OXTR: variants seen among roughly 807,000 people sequenced by gnomAD.
OXTR encodes oxytocin receptor.
Under a neutral mutation model 23.9 loss-of-function variants are expected in OXTR, and 19 were observed. That is an observed-to-expected ratio of 0.80 (90% CI 0.56 to 1.17). The LOEUF is 1.17. Ranked by LOEUF, OXTR falls within the 50% of genes most tolerant of loss-of-function variation. The pLI is 0.00. For synonymous variants in OXTR, 278 were observed against 250.5 expected (o/e 1.11, Z -1.04); for missense variants, 500 against 550.7 (o/e 0.91, Z 0.92).
the OXTR span, among the ~76,000 whole-genome samples, chr3:8,741,942 C>A: frequency 6.6e-6 from 1 of 152,184 alleles, no homozygotes; most frequent in African/African-American, 2.4e-5. Context: ...GAATGTGCAC[C>A]ATCGTTCCCC....
At chr3:8,745,235 C>G in the OXTR span, among the ~76,000 whole-genome samples, 1 of 152,166 alleles carries the variant, frequency 6.6e-6, no homozygotes, top group African/African-American at 2.4e-5. This position sits in a 1 kb window ranked among gnomAD's most constrained non-coding sequence, Gnocchi z 4.8. Flanking sequence ...TCTCCCTTCT[C>G]TAGCCATGGT....
At position 8,753,052 on chromosome 3, in the gene OXTR, C is replaced by T; in HGVS notation, c.1095G>A (p.Lys365=). The change falls in exon 4 of 4, where the codon AAG becomes AAA. Residue 365 remains lysine, a synonymous_variant. Transcript: ENST00000316793. The part of the protein sequence containing the change: ...RRLGETSASK[K]SNSSSFVLSH... ...TCAGGACAAAGGAGGACGAGTTGCT[C>T]TTTTTGCTGGCACTCGTCTCTCCCA... 1 of 1,614,140 alleles carries T rather than the reference C, an allele frequency of 6.2e-7. No homozygotes were observed. Among genetic ancestry groups the T allele is most frequent in the African/African-American group, 1.3e-5 (1 of 75,044 alleles).
intron 3 of OXTR, 118 bp from the exon 4 acceptor site, chr3:8,753,342 T>A: frequency 8.3e-7 from 1 of 1,205,336 alleles, no homozygotes; most frequent in Non-Finnish European, 1.2e-6. Flanking sequence ...AAGTACTACA[T>A]CCTGAATCAC....
At position 8,752,287 on chromosome 3, in the gene OXTR, T is replaced by A. The variant is rs1708278992; in HGVS notation, c.*690A>T. ...TGTGAGTTCCTTAGGATTTTCTATA[T>A]ACAAAACTGTGTCATCTGCAAATAG... On this transcript the variant is annotated 3_prime_UTR_variant, in exon 4 of 4. Transcript: ENST00000316793. The A allele has an allele frequency of 6.6e-6, 1 of 152,228 alleles. No individual in the cohort carries two copies. The highest frequency in any genetic ancestry group is 1.9e-4 in the East Asian group (1 of 5,198). 9.4% of individuals were successfully genotyped at this position (152,228 alleles called of 1,614,324 possible). A position where few individuals can be genotyped will look rare whatever the true frequency, so the allele number is the denominator to read the frequency against.
chr3:8,749,888 T>C (rs373859325), downstream of OXTR, among the ~76,000 whole-genome samples: 1 of 152,132 alleles, frequency 6.6e-6, no homozygotes, highest in African/African-American at 2.4e-5. Flanking sequence ...TAAAGTGTGT[T>C]ATAAAGAGAC....
Position 8,752,767 on chromosome 3 carries a change from G to A in OXTR, c.*210C>T. ...TGGGTTCAGGGTGGTAGAAGTACGT[G>A]TAGGAGGCCAGGGTGTTGTCTGATG... On this transcript the variant is annotated 3_prime_UTR_variant, in exon 4 of 4. Coordinates refer to ENST00000316793, the MANE Select transcript of OXTR (RefSeq NM_000916.4). 1 of 585,542 alleles carries A rather than the reference G, an allele frequency of 1.7e-6. No homozygotes were observed. The highest frequency in any genetic ancestry group is 3.1e-5 in the Admixed American group (1 of 31,838). 36.3% of individuals were successfully genotyped at this position (585,542 alleles called of 1,614,324 possible).
At chr3:8,746,099 T>TG (rs1575478450), downstream of OXTR, 2 of 514,130 alleles carry the variant, frequency 3.9e-6, no homozygotes, top group East Asian at 6.1e-5. Context: ...TGCCTGGGCG[T>TG]GGGGGAAGAT....
chr3:8,768,105 G>T lies in OXTR; in HGVS notation c.83C>A (p.Thr28Asn), dbSNP rs1404237477. The change falls in exon 3 of 4, where the codon ACC (threonine) becomes AAC (asparagine). Residue 28 changes from threonine to asparagine, a missense_variant. Thr to Asn is a moderately conservative substitution (Grantham distance 65). Transcript: ENST00000316793. This position sits in a 1 kb window ranked among gnomAD's most constrained non-coding sequence, Gnocchi z 5.4. ...AAPPGAEGNR[T>N]AGPPRRNEAL... Reference sequence around the variant, plus strand: ...CTCGTTGCGCCGCGGGGGTCCGGCGGTGCGGTTGCCCTCGGCCCCCGGCGG... The same window carrying T: ...CTCGTTGCGCCGCGGGGGTCCGGCGTTGCGGTTGCCCTCGGCCCCCGGCGG... 7.1e-7 allele frequency: 1 copy of T among 1,416,744 alleles called. No individual in the cohort carries two copies. The highest frequency in any genetic ancestry group is 9.2e-7 in the Non-Finnish European group (1 of 1,088,614). 87.8% of individuals were successfully genotyped at this position (1,416,744 alleles called of 1,614,324 possible). A position where few individuals can be genotyped will look rare whatever the true frequency, so the allele number is the denominator to read the frequency against.
At chr3:8,759,003 G>A (rs1708433354) in intron 3 of OXTR, among the ~76,000 whole-genome samples, 3 of 152,202 alleles carry the variant, frequency 2.0e-5, no homozygotes, top group Non-Finnish European at 2.9e-5. Context: ...TCTGATAGGC[G>A]CCACCTGTTT....
intron 3 of OXTR, among the ~76,000 whole-genome samples, chr3:8,763,482 GC>G (rs1346863121): frequency 5.9e-5 from 9 of 152,206 alleles, no homozygotes; most frequent in Admixed American, 5.2e-4. Context: ...CCCTAGAAAT[GC>G]AAACAGCCCC....
intron 3 of OXTR, among the ~76,000 whole-genome samples, chr3:8,765,755 C>T (rs1708593021): frequency 6.6e-6 from 1 of 152,202 alleles, no homozygotes; most frequent in African/African-American, 2.4e-5. Flanking sequence ...GTCAGCTGTG[C>T]CTCTGACTTG....
downstream of OXTR, among the ~76,000 whole-genome samples, chr3:8,747,153 C>T (rs1169639704): frequency 2.6e-5 from 4 of 151,958 alleles, no homozygotes; most frequent in South Asian, 2.1e-4. Context: ...TGCCTGGCCA[C>T]GAGCCCAGTG....
rs539769186 is a variant in OXTR at position 8,760,159 on chromosome 3, A to C, written c.923-6935T>G. On this transcript the variant is annotated intron_variant, in intron 3 of 3. Coordinates refer to ENST00000316793, the MANE Select transcript of OXTR (RefSeq NM_000916.4). ...AGCAGGATATTCCACCCTGTATACA[A>C]CCTAAGTCCTATTCTGAACTTCAGA... Among the ~76,000 whole-genome samples the C allele has an allele frequency of 3.8e-4, 58 of 152,266 alleles. 1 individual carries two copies. The highest frequency in any genetic ancestry group is 3.4e-3 in the Middle Eastern group (1 of 294).
chr3:8,746,498 T>C (rs920453129), downstream of OXTR: 2 of 152,210 alleles, frequency 1.3e-5, no homozygotes, highest in Non-Finnish European at 2.9e-5. Context: ...GTGACTCCTG[T>C]TGCCTGAGCA....
At chr3:8,754,313 C>A (rs1708330729) in intron 3 of OXTR, among the ~76,000 whole-genome samples, 1 of 152,188 alleles carries the variant, frequency 6.6e-6, no homozygotes, top group South Asian at 2.1e-4. Context: ...AATCTGCCTT[C>A]TTTCAATGGC....
intron 3 of OXTR, among the ~76,000 whole-genome samples, chr3:8,757,653 A>G (rs1360096813): frequency 2.0e-5 from 3 of 152,126 alleles, no homozygotes; most frequent in Non-Finnish European, 4.4e-5. Flanking sequence ...TTCCTGCCAT[A>G]AAAATCACAT....
At chr3:8,747,748 G>T (rs1708195166), downstream of OXTR, among the ~76,000 whole-genome samples, 1 of 152,164 alleles carries the variant, frequency 6.6e-6, no homozygotes, top group South Asian at 2.1e-4. Flanking sequence ...TGTTACTTAT[G>T]TCCTCCTCAA....
At chr3:8,765,995 C>T (rs183736121) in intron 3 of OXTR, among the ~76,000 whole-genome samples, 4 of 152,282 alleles carry the variant, frequency 2.6e-5, no homozygotes, top group East Asian at 1.9e-4. Flanking sequence ...ACTGAGATTT[C>T]GGCTTCCCAG....
At chr3:8,745,389 T>G (rs1708119869), downstream of OXTR, 1 of 682,194 alleles carries the variant, frequency 1.5e-6, no homozygotes, top group Admixed American at 2.2e-5. The surrounding 1 kb of genome is among the most constrained non-coding windows in gnomAD (Gnocchi z 4.8). Flanking sequence ...AATGCAAGAA[T>G]AGCCTAATAC....
Sources: allele counts gnomAD v4.1 joint callset (sites outside exome capture counted in the v4.1 genomes callset), GRCh38; gene constraint gnomAD v4.1.1; non-coding constraint Gnocchi (gnomAD v3.1); transcripts MANE v1.5; gene names NCBI Gene and HGNC (gene_info 2026-07-23, HGNC 2026-07-21).